The following NCOA6 variants were observed in gnomAD, a reference collection of about 807,000 sequenced individuals.
The protein encoded by NCOA6 is NRC RAP250.
Under a neutral mutation model 171.4 loss-of-function variants are expected in NCOA6, and 49 were observed. The observed-to-expected ratio is 0.29, with a 90% CI of 0.23 to 0.36. The LOEUF (loss-of-function observed/expected upper bound fraction) is 0.36. NCOA6 is among the 10% of genes least tolerant of loss of function. NCOA6 has a pLI of 1.00. For missense variants in NCOA6, 2,248 were observed against 2,554.5 expected (o/e 0.88, Z 2.59); for synonymous variants, 910 against 927.5 (o/e 0.98, Z 0.34).
chr20:34,750,500 A>C lies in NCOA6; in HGVS notation c.1695T>G (p.Pro565=). ...VQHAGGQGAG[P]PQNQMQVSHG... ...GGGACACCTGCATCTGGTTTTGAGG[A>C]GGACCAGCTCCTTGACCACCTTAAA... Residue 565 remains proline, a synonymous_variant, in exon 9 of 15, where the codon CCT becomes CCG. Coordinates refer to ENST00000359003, the MANE Select transcript of NCOA6 (RefSeq NM_014071.5). The C allele has an allele frequency of 6.2e-7, 1 of 1,605,146 alleles. No homozygotes were observed. The highest frequency in any genetic ancestry group is 1.1e-5 in the South Asian group (1 of 90,082).
chr20:34,812,740 G>C (rs545887260), intron 1 of NCOA6, among the ~76,000 whole-genome samples: 37 of 152,284 alleles, frequency 2.4e-4, no homozygotes, highest in Admixed American at 2.4e-3. Context: ...AAGAGGTCAG[G>C]CGTGGTAGCT....
At chr20:34,755,584 T>C (rs1298540478) in intron 7 of NCOA6, among the ~76,000 whole-genome samples, 1 of 152,198 alleles carries the variant, frequency 6.6e-6, no homozygotes, top group Non-Finnish European at 1.5e-5. Flanking sequence ...TTAGAAAACT[T>C]GTAATAAGGA....
intron 1 of NCOA6, among the ~76,000 whole-genome samples, chr20:34,813,371 C>A (rs2078733169): frequency 6.6e-6 from 1 of 150,940 alleles, no homozygotes; most frequent in African/African-American, 2.4e-5. Context: ...GAGGCTGAGG[C>A]AGGAGAAACG....
chr20:34,768,648 G>A, intron 4 of NCOA6, 62 bp from the exon 5 acceptor site: 1 of 1,582,576 alleles, frequency 6.3e-7, no homozygotes. Flanking sequence ...TTTGTTTATA[G>A]ACAGCTATAT....
chr20:34,769,886 T>TAA (rs1354058215), intron 4 of NCOA6, among the ~76,000 whole-genome samples: 1 of 152,210 alleles, frequency 6.6e-6, no homozygotes, highest in Admixed American at 6.5e-5. Context: ...TGTGGAGAGT[T>TAA]AAAATATAGC....
At chr20:34,790,949 T>C (rs4911445) in intron 2 of NCOA6, among the ~76,000 whole-genome samples, 75,631 of 152,130 alleles carry the variant, frequency 0.5, 19,294 homozygotes, top group East Asian at 0.63. Context: ...CCGCACCCGG[T>C]CTAATTTGTA....
intron 1 of NCOA6, among the ~76,000 whole-genome samples, chr20:34,816,893 G>C (rs1389554372): frequency 1.3e-5 from 2 of 151,780 alleles, no homozygotes; most frequent in East Asian, 3.9e-4. Context: ...GGCCGAGGCA[G>C]GTGGATCACC....
intron 3 of NCOA6, 32 bp downstream of exon 3, chr20:34,782,089 A>C (rs747088364): frequency 1.1e-5 from 15 of 1,421,512 alleles, no homozygotes; most frequent in Non-Finnish European, 1.4e-5. Context: ...CAAAAACAGT[A>C]ACAGGAAGAA....
chr20:34,717,389 G>C (rs1988740586), intron 14 of NCOA6, among the ~76,000 whole-genome samples: 1 of 152,166 alleles, frequency 6.6e-6, no homozygotes, highest in African/African-American at 2.4e-5. Flanking sequence ...GGTGGAGGTT[G>C]TGGTGAGCCG....
intron 3 of NCOA6, among the ~76,000 whole-genome samples, chr20:34,778,343 C>T (rs2077405279): frequency 6.6e-6 from 1 of 152,108 alleles, no homozygotes; most frequent in Non-Finnish European, 1.5e-5. Context: ...AGTCCAAAAT[C>T]ATAGAAACAG....
chr20:34,776,810 TAAGA>T (rs1438167585), intron 3 of NCOA6: 4 of 462,536 alleles, frequency 8.6e-6, no homozygotes, highest in African/African-American at 6.0e-5. Flanking sequence ...GAAAGGACCA[TAAGA>T]AAGAAGAGAG....
rs528354528 is a variant in NCOA6, at chr20:34,734,189, C to T, written c.5963-1594G>A. Reference sequence around the variant, plus strand: ...AAGCGATTCTCCTGCCACAGCCTCCCGAGTAGCTGGGAGTATAGGCACGCG... The same window carrying T: ...AAGCGATTCTCCTGCCACAGCCTCCTGAGTAGCTGGGAGTATAGGCACGCG... On this transcript the variant is annotated intron_variant, in intron 12 of 14. Transcript: ENST00000359003. Among the ~76,000 whole-genome samples the T allele has an allele frequency of 5.9e-5, 9 of 151,902 alleles. 1 individual carries two copies. The South Asian group carries it at 1.7e-3, about 28-fold the overall frequency.
At chr20:34,718,500 G>C (rs1422311442) in intron 14 of NCOA6, among the ~76,000 whole-genome samples, 1 of 150,430 alleles carries the variant, frequency 6.6e-6, no homozygotes, top group African/African-American at 2.4e-5. Context: ...TTTTGAGATG[G>C]AGTCTTGCAA....
At chr20:34,737,125 C>T (rs536940046) in intron 11 of NCOA6, among the ~76,000 whole-genome samples, 6 of 152,120 alleles carry the variant, frequency 3.9e-5, no homozygotes, top group Non-Finnish European at 7.4e-5. Flanking sequence ...CATAGAGGTA[C>T]AATTATACCA....
At chr20:34,786,457 T>C (rs2077683875) in intron 2 of NCOA6, among the ~76,000 whole-genome samples, 1 of 152,188 alleles carries the variant, frequency 6.6e-6, no homozygotes, top group Non-Finnish European at 1.5e-5. Context: ...TAACTTGAGA[T>C]CTCTCTAGCT....
intron 1 of NCOA6, among the ~76,000 whole-genome samples, chr20:34,816,698 A>T (rs2078847651): frequency 6.6e-6 from 1 of 151,948 alleles, no homozygotes; most frequent in South Asian, 2.1e-4. Flanking sequence ...GCTATTTGGG[A>T]GGCTGAGGCA....
chr20:34,732,419 A>C, intron 13 of NCOA6, 140 bp downstream of exon 13: 4 of 688,124 alleles, frequency 5.8e-6, no homozygotes, highest in Non-Finnish European at 9.4e-6. Context: ...ACAGCTCTCT[A>C]CGTTAGCAGT....
chr20:34,776,432 T>G lies in NCOA6; in HGVS notation c.252A>C (p.Lys84Asn). 6.2e-7 allele frequency: 1 copy of G among 1,614,034 alleles called. No individual in the cohort carries two copies. The highest frequency in any genetic ancestry group is 8.5e-7 in the Non-Finnish European group (1 of 1,179,986). Reference sequence around the variant, plus strand: ...TGTTCCAGGGCTCCACCTTCTGTACTTTTAGCTTGCTGGACTCTTGATTGT... The same window carrying G: ...TGTTCCAGGGCTCCACCTTCTGTACGTTTAGCTTGCTGGACTCTTGATTGT... ...NLLHMESSKL[K>N]VQKVEPWNSV... Residue 84 changes from lysine to asparagine, a missense_variant, in exon 4 of 15, where the codon AAA (lysine) becomes AAC (asparagine). Coordinates refer to ENST00000359003, the MANE Select transcript of NCOA6 (RefSeq NM_014071.5).
chr20:34,782,329 T>C lies in NCOA6; in HGVS notation c.27A>G (p.Leu9=), dbSNP rs765776883. ...AACACAAGGAAGTATAGATGTCTTCTAAGTTTGGAAGGTCATCCAAAACCA... is the reference window on the plus strand; with the variant it reads ...AACACAAGGAAGTATAGATGTCTTCCAAGTTTGGAAGGTCATCCAAAACCA... The part of the protein sequence containing the change: MVLDDLPN[L]EDIYTSLCSS... Residue 9 remains leucine (L), a synonymous_variant, in exon 3 of 15, where the codon TTA becomes TTG. Coordinates refer to ENST00000359003, the MANE Select transcript of NCOA6 (RefSeq NM_014071.5). The C allele has an allele frequency of 7.5e-6, 12 of 1,606,472 alleles. No homozygotes were observed. The highest frequency in any genetic ancestry group is 8.5e-6 in the Non-Finnish European group (10 of 1,176,694).
Sources: gnomAD v4.1 joint callset for allele counts (sites outside exome capture counted in the v4.1 genomes callset) on GRCh38, gnomAD v4.1.1 for gene constraint, MANE v1.5 for transcripts, NCBI Gene and HGNC (gene_info 2026-07-23, HGNC 2026-07-21) for gene names.